Variants in ERCC8 observed in about 807,000 individuals in gnomAD.
The protein encoded by ERCC8 is ERCC excision repair 8, CSA ubiquitin ligase complex subunit.
Under a neutral mutation model 54.9 loss-of-function variants are expected in ERCC8, and 52 were observed. The observed-to-expected ratio is 0.95, with a 90% CI of 0.76 to 1.19. ERCC8 has a LOEUF of 1.19. Among genes scored for constraint, ERCC8 ranks in the 50% most tolerant of loss-of-function variants. The pLI is 0.00. For missense variants in ERCC8, 514 were observed against 466.1 expected (o/e 1.10, Z -0.95); for synonymous variants, 146 against 157.2 (o/e 0.93, Z 0.53).
At chr5:60,899,601 ATATT>A (rs1191175243) in intron 8 of ERCC8, 22 bp downstream of exon 8, 9 of 1,487,484 alleles carry the variant, frequency 6.1e-6, no homozygotes, top group Non-Finnish European at 8.4e-6. Context: ...TATCATTGTC[ATATT>A]TATTAATGCG....
Position 60,938,076 on chromosome 5 carries a change from TATATATATA to T in ERCC8, c.77+6847_77+6855del, listed in dbSNP as rs1561519077. Among the ~76,000 whole-genome samples, 85 of 31,590 alleles carry T rather than the reference TATATATATA, an allele frequency of 2.7e-3. 1 individual carries two copies. Among genetic ancestry groups the T allele is most frequent in the African/African-American group, 4.8e-3 (53 of 10,948 alleles). 20.7% of individuals were successfully genotyped at this position (31,590 alleles called of 152,430 possible). On this transcript the variant is annotated intron_variant, in intron 1 of 11. Transcript: ENST00000676185. ...ATATATATATATATATATATATATATATATATATATTTTATTTTTTTTTTTTTTAGGTTA... is the reference window on the plus strand; with the variant it reads ...ATATATATATATATATATATATATATTTTTATTTTTTTTTTTTTTAGGTTA...
At position 60,907,813 on chromosome 5, in the gene ERCC8, C is replaced by T. The variant is rs1580010119; in HGVS notation, c.400-2940G>A. ...CCCTAATCTTTCCTCCTCTTCAAAT[C>T]CAAACTTTGGCTATCTCTAATTCCT... On this transcript the variant is annotated intron_variant, in intron 4 of 11. Transcript: ENST00000676185. 3.3e-5 allele frequency among the ~76,000 whole-genome samples: 5 copies of T among 152,296 alleles called. No homozygotes were observed. In the South Asian group the frequency reaches 1.0e-3, roughly 32 times the overall value.
At chr5:60,918,527 G>A (rs1225633210) in intron 3 of ERCC8, 139 bp from the exon 4 acceptor site, 2 of 713,210 alleles carry the variant, frequency 2.8e-6, no homozygotes, top group Admixed American at 2.1e-5. Context: ...TCCAAGCTGT[G>A]TAGAAGGCGA....
At chr5:60,883,202 T>G (rs1748296812) in intron 11 of ERCC8, among the ~76,000 whole-genome samples, 1 of 152,234 alleles carries the variant, frequency 6.6e-6, no homozygotes, top group South Asian at 2.1e-4. Context: ...TGCATACAAA[T>G]TATTTCACTT....
chr5:60,895,232 ATGTG>A (rs913616480), intron 9 of ERCC8, among the ~76,000 whole-genome samples: 6 of 150,014 alleles, frequency 4.0e-5, no homozygotes, highest in African/African-American at 1.5e-4. Context: ...GTGTGTGTGT[ATGTG>A]TATGTATATA....
intron 9 of ERCC8, among the ~76,000 whole-genome samples, chr5:60,891,430 G>A (rs951994796): frequency 2.6e-5 from 4 of 152,104 alleles, no homozygotes; most frequent in African/African-American, 9.7e-5. Context: ...TGGTGGCAGT[G>A]TAATTTGGCT....
At position 60,939,805 on chromosome 5, in the gene ERCC8, C is replaced by A. The variant is rs150573288; in HGVS notation, c.77+5127G>T. Among the ~76,000 whole-genome samples, 679 of 152,308 alleles carry A rather than the reference C, an allele frequency of 4.5e-3. 2 individuals are homozygous for A. Among genetic ancestry groups the A allele is most frequent in the Middle Eastern group, 0.037 (11 of 294 alleles). Reference sequence around the variant, plus strand: ...ATACTTCTTTCTTGTTAGTAGGTATCATTCCAGTGTTTTCTAGTCTCTAGA... The same window carrying A: ...ATACTTCTTTCTTGTTAGTAGGTATAATTCCAGTGTTTTCTAGTCTCTAGA... On this transcript the variant is annotated intron_variant, in intron 1 of 11. Coordinates refer to ENST00000676185, the MANE Select transcript of ERCC8 (RefSeq NM_000082.4).
In ERCC8 at chr5:60,871,298, T is replaced by C. The variant is rs1469462658; in HGVS notation, c.*3317A>G. On this transcript the variant is annotated 3_prime_UTR_variant, in exon 12 of 12. Coordinates refer to ENST00000676185, the MANE Select transcript of ERCC8 (RefSeq NM_000082.4). ...ATGCAGTTAACAAAAAGAATAACTT[T>C]GTTATAACAAATGACAGAGAGGGAT... Among the ~76,000 whole-genome samples the C allele has an allele frequency of 1.3e-5, 2 of 152,230 alleles. No individual in the cohort carries two copies. The highest frequency in any genetic ancestry group is 1.3e-4 in the Admixed American group (2 of 15,280).
At chr5:60,878,993 C>T (rs1354369033) in intron 11 of ERCC8, among the ~76,000 whole-genome samples, 1 of 152,072 alleles carries the variant, frequency 6.6e-6, no homozygotes, top group Non-Finnish European at 1.5e-5. Context: ...CCTGCTTTCT[C>T]TTGTGGGCAT....
At chr5:60,881,110 G>T (rs961806448) in intron 11 of ERCC8, among the ~76,000 whole-genome samples, 2 of 151,970 alleles carry the variant, frequency 1.3e-5, no homozygotes, top group African/African-American at 4.8e-5. Flanking sequence ...CAGGTCTGTT[G>T]AAGTTTGCTG....
At chr5:60,928,102 G>A (rs2112531131) in intron 2 of ERCC8, among the ~76,000 whole-genome samples, 1 of 152,262 alleles carries the variant, frequency 6.6e-6, no homozygotes, top group Admixed American at 6.5e-5. Flanking sequence ...AATGCTATAT[G>A]TGGCCTAATT....
At chr5:60,930,156 G>A (rs1749864736) in intron 1 of ERCC8, among the ~76,000 whole-genome samples, 2 of 152,184 alleles carry the variant, frequency 1.3e-5, no homozygotes, top group African/African-American at 2.4e-5. Flanking sequence ...CAGGCCAGGC[G>A]CAGTGGCTCA....
rs1416190020 is a variant in ERCC8 at position 60,913,111 on chromosome 5, T to C, written c.399+5154A>G. On this transcript the variant is annotated intron_variant, in intron 4 of 11. Transcript: ENST00000676185. ...TCAGGATGATGCTGGCCTCATAAAA[T>C]GAGTTAGGGAGGATTCCTTCTTTTT... is the stretch of plus-strand genomic sequence containing the variant. Among the ~76,000 whole-genome samples, 4 of 152,230 alleles carry C rather than the reference T, an allele frequency of 2.6e-5. No homozygotes were observed. The East Asian group carries it at 7.7e-4, about 29-fold the overall frequency.
At chr5:60,941,319 G>A (rs148807207) in intron 1 of ERCC8, among the ~76,000 whole-genome samples, 87 of 152,202 alleles carry the variant, frequency 5.7e-4, no homozygotes, top group Admixed American at 6.5e-4. Context: ...GATTGGAGAT[G>A]GCAGAGGAAA....
At chr5:60,917,964 T>C (rs1214958539) in intron 4 of ERCC8, 4 of 357,448 alleles carry the variant, frequency 1.1e-5, no homozygotes, top group Non-Finnish European at 2.2e-5. Context: ...TACTATATGC[T>C]ATGTACTGTA....
intron 2 of ERCC8, among the ~76,000 whole-genome samples, chr5:60,927,354 A>C (rs1561514208): frequency 6.6e-6 from 1 of 152,154 alleles, no homozygotes; most frequent in Admixed American, 6.5e-5. Flanking sequence ...TTTCCTTTTA[A>C]TATCTCTTGT....
At position 60,868,720 on chromosome 5, in the gene ERCC8, G is replaced by T. The variant is rs985630090; in HGVS notation, c.*5895C>A. Among the ~76,000 whole-genome samples the T allele has an allele frequency of 2.6e-5, 4 of 152,144 alleles. No homozygotes were observed. In the East Asian group the frequency reaches 7.7e-4, roughly 29 times the overall value. ...CAGGAGGTTTACAACAGTGATTCTA[G>T]GTAGCACATTAAGAACTACACACAT... On this transcript the variant is annotated 3_prime_UTR_variant, in exon 12 of 12. Transcript: ENST00000676185.
chr5:60,923,957 T>G (rs1177136639), intron 2 of ERCC8, among the ~76,000 whole-genome samples: 1 of 152,116 alleles, frequency 6.6e-6, no homozygotes, highest in Non-Finnish European at 1.5e-5. Context: ...TAGTTCATAG[T>G]TCATCACCTT....
rs537118851 is a variant in ERCC8 at position 60,873,445 on chromosome 5, C to A, written c.*1170G>T. ...ATTCCAGCACTTTGAGAGGCCGAGG[C>A]GGGTGGATCATTTGAGGTCAGCAGT... On this transcript the variant is annotated 3_prime_UTR_variant, in exon 12 of 12. Coordinates refer to ENST00000676185, the MANE Select transcript of ERCC8 (RefSeq NM_000082.4). Among the ~76,000 whole-genome samples, 1 of 152,072 alleles carries A rather than the reference C, an allele frequency of 6.6e-6. No individual in the cohort carries two copies. The highest frequency in any genetic ancestry group is 1.5e-5 in the Non-Finnish European group (1 of 68,008).
Sources: allele counts gnomAD v4.1 joint callset (sites outside exome capture counted in the v4.1 genomes callset), GRCh38; gene constraint gnomAD v4.1.1; transcripts MANE v1.5; gene names NCBI Gene and HGNC (gene_info 2026-07-23, HGNC 2026-07-21).